Variants in PPARGC1A observed in about 807,000 individuals in gnomAD.
PPARGC1A encodes the protein PPARG coactivator 1 alpha, also known as peroxisome proliferator-activated receptor gamma coactivator 1-alpha.
A neutral mutation model predicts 88.7 loss-of-function variants in PPARGC1A; 25 were observed. The ratio of observed to expected loss-of-function variants is 0.28; its 90% confidence interval spans 0.21 to 0.39. The LOEUF is 0.39. Ranked by LOEUF, PPARGC1A falls within the 10% of genes least tolerant of loss-of-function variation. The probability of loss-of-function intolerance (pLI) is 1.00; values close to 1 mark genes in which losing one functional copy is unlikely to be tolerated. For synonymous variants in PPARGC1A, 363 were observed against 355.6 expected (o/e 1.02, Z -0.24); for missense variants, 880 against 968.7 (o/e 0.91, Z 1.22).
At chr4:24,263,079 G>A in the PPARGC1A span, among the ~76,000 whole-genome samples, 1 of 152,128 alleles carries the variant, frequency 6.6e-6, no homozygotes, top group Non-Finnish European at 1.5e-5. Context: ...GGAAATTTTG[G>A]AAAAGAGAAG....
At chr4:23,837,563 C>T (rs1726251602) in intron 2 of PPARGC1A, among the ~76,000 whole-genome samples, 2 of 152,116 alleles carry the variant, frequency 1.3e-5, no homozygotes, top group Non-Finnish European at 1.5e-5. Context: ...ACCCAGCATG[C>T]CCCAGGCTTC....
intron 1 of PPARGC1A, among the ~76,000 whole-genome samples, chr4:23,896,099 G>A (rs1718569302): frequency 6.6e-6 from 1 of 151,570 alleles, no homozygotes. Context: ...AATGAAGCTT[G>A]AAAAAACTAT....
intron 2 of PPARGC1A, among the ~76,000 whole-genome samples, chr4:23,855,070 CATGAG>C (rs1037827122): frequency 5.9e-5 from 9 of 152,120 alleles, no homozygotes; most frequent in African/African-American, 2.2e-4. Flanking sequence ...GAGTAAGTCT[CATGAG>C]ATCGATGGTT....
At chr4:24,468,465 C>G in the PPARGC1A span, among the ~76,000 whole-genome samples, 94 of 152,218 alleles carry the variant, frequency 6.2e-4, no homozygotes, top group African/African-American at 2.0e-3. Flanking sequence ...ATATGTTTTG[C>G]ACATTGGCAA....
chr4:24,092,137 G>A, the PPARGC1A span, among the ~76,000 whole-genome samples: 10 of 152,034 alleles, frequency 6.6e-5, no homozygotes, highest in Non-Finnish European at 1.3e-4. Context: ...AAGCTCCTTT[G>A]GGTGAAAATA....
the PPARGC1A span, among the ~76,000 whole-genome samples, chr4:24,090,626 G>T: frequency 5.3e-5 from 8 of 152,128 alleles, no homozygotes; most frequent in Non-Finnish European, 1.2e-4. Flanking sequence ...ATACACAGAA[G>T]TGTTCTTTTT....
At chr4:24,220,454 A>G in the PPARGC1A span, among the ~76,000 whole-genome samples, 1 of 152,240 alleles carries the variant, frequency 6.6e-6, no homozygotes, top group Non-Finnish European at 1.5e-5. Flanking sequence ...TCACAATAGC[A>G]AAGACATGAA....
chr4:24,038,767 C>G, the PPARGC1A span, among the ~76,000 whole-genome samples: 1 of 152,158 alleles, frequency 6.6e-6, no homozygotes, highest in African/African-American at 2.4e-5. Flanking sequence ...GGACCCAGCT[C>G]CAGTTTAATT....
the PPARGC1A span, among the ~76,000 whole-genome samples, chr4:24,226,907 G>A: frequency 2.0e-4 from 30 of 152,010 alleles, no homozygotes; most frequent in African/African-American, 7.0e-4. Context: ...AGATGAGCTC[G>A]GTCACTCTCC....
the PPARGC1A span, among the ~76,000 whole-genome samples, chr4:24,173,567 A>T: frequency 1.3e-5 from 2 of 152,132 alleles, no homozygotes; most frequent in Non-Finnish European, 2.9e-5. Context: ...AGTCAAGGAG[A>T]TAGTGCCTGG....
At chr4:23,962,974 G>A in the PPARGC1A span, among the ~76,000 whole-genome samples, 4 of 152,256 alleles carry the variant, frequency 2.6e-5, no homozygotes, top group South Asian at 4.1e-4. Context: ...GCTCATGAGC[G>A]GGGGAAAGTG....
chr4:24,057,393 A>G, the PPARGC1A span, among the ~76,000 whole-genome samples: 3 of 151,582 alleles, frequency 2.0e-5, no homozygotes, highest in Non-Finnish European at 4.4e-5. Flanking sequence ...GGTGATGGTT[A>G]TACAGCAATG....
At chr4:24,121,601 C>G in the PPARGC1A span, among the ~76,000 whole-genome samples, 1,117 of 152,258 alleles carry the variant, frequency 7.3e-3, 15 homozygotes, top group Middle Eastern at 0.031. Flanking sequence ...TCCACACTTT[C>G]TGAACAACCA....
At chr4:24,061,425 C>T in the PPARGC1A span, among the ~76,000 whole-genome samples, 5 of 152,182 alleles carry the variant, frequency 3.3e-5, no homozygotes, top group African/African-American at 7.2e-5. Context: ...AAATGCCTGG[C>T]GACAACCATC....
chr4:24,159,502 C>T, the PPARGC1A span, among the ~76,000 whole-genome samples: 2 of 152,110 alleles, frequency 1.3e-5, no homozygotes, highest in African/African-American at 2.4e-5. Context: ...AGCCACTGCG[C>T]CCGGCCGAGA....
the PPARGC1A span, among the ~76,000 whole-genome samples, chr4:24,173,623 A>T: frequency 6.6e-6 from 1 of 152,192 alleles, no homozygotes; most frequent in South Asian, 2.1e-4. Flanking sequence ...AGCAGCTGGA[A>T]AAGTCTGAAA....
chr4:24,040,300 A>T, the PPARGC1A span, among the ~76,000 whole-genome samples: 1 of 152,206 alleles, frequency 6.6e-6, no homozygotes, highest in Non-Finnish European at 1.5e-5. Flanking sequence ...CAAATATTTT[A>T]AAAAGCACAA....
the PPARGC1A span, among the ~76,000 whole-genome samples, chr4:24,026,676 C>G: frequency 6.6e-6 from 1 of 152,160 alleles, no homozygotes; most frequent in African/African-American, 2.4e-5. Flanking sequence ...CACACGCCTC[C>G]ACCAAATAAT....
upstream of PPARGC1A, among the ~76,000 whole-genome samples, chr4:23,894,723 A>T (rs577770408): frequency 3.3e-5 from 5 of 152,306 alleles, no homozygotes; most frequent in African/African-American, 1.2e-4. Context: ...ACAAAAAATA[A>T]CATGAAAGTT....
Sources: allele counts gnomAD v4.1 joint callset (sites outside exome capture counted in the v4.1 genomes callset), GRCh38; gene constraint gnomAD v4.1.1; transcripts MANE v1.5; gene names NCBI Gene and HGNC (gene_info 2026-07-23, HGNC 2026-07-21).